Variants in MYO15A observed in about 807,000 individuals in gnomAD.
The protein encoded by MYO15A is unconventional myosin-XV.
In MYO15A, 308 loss-of-function variants were observed where a neutral mutation model predicts 394.6. The ratio of observed to expected loss-of-function variants is 0.78; its 90% CI spans 0.71 to 0.86. MYO15A has a LOEUF of 0.86. Among genes scored for constraint, MYO15A ranks in the 40% least tolerant of loss-of-function variants. MYO15A has a pLI of 0.00. For missense variants in MYO15A, 4,606 were observed against 4,799.1 expected (o/e 0.96, Z 1.19); for synonymous variants, 1,957 against 2,003.8 (o/e 0.98, Z 0.62).
chr17:18,120,519 G>T lies in MYO15A; in HGVS notation c.1719G>T (p.Ala573=). The change falls in exon 2 of 66, where the codon GCG becomes GCT. Residue 573 remains alanine, a synonymous_variant. Transcript: ENST00000647165. ...TGCCTCGCCCTGCCACCTCGCTTGC[G>T]CGGTTCCTCAAGAAGACGCTGTCGG... ...RPVPRPATSL[A]RFLKKTLSEK... 1.9e-6 allele frequency: 3 copies of T among 1,587,228 alleles called. No individual in the cohort carries two copies. The South Asian group carries it at 3.4e-5, about 18-fold the overall frequency.
At chr17:18,122,487 C>T (rs1311842905) in intron 2 of MYO15A, 78 bp downstream of exon 2, 11 of 1,530,910 alleles carry the variant, frequency 7.2e-6, no homozygotes, top group Non-Finnish European at 9.6e-6. Context: ...CCTGAGGAGC[C>T]CTGTGCAACC....
Position 18,120,201 on chromosome 17 carries a change from C to T in MYO15A, c.1401C>T (p.Ala467=). ...FFEQQGMDKP[A]RSKLSLIRKF... The stretch of plus-strand genomic sequence containing the variant: ...AGCAGCAAGGCATGGATAAGCCCGC[C>T]AGGTCCAAGCTGTCCCTCATCCGCA... The change falls in exon 2 of 66, where the codon GCC becomes GCT. Residue 467 remains alanine (A), a synonymous_variant. Transcript: ENST00000647165. 1 of 1,612,884 alleles carries T rather than the reference C, an allele frequency of 6.2e-7. No individual in the cohort carries two copies. The highest frequency in any genetic ancestry group is 8.5e-7 in the Non-Finnish European group (1 of 1,179,956).
chr17:18,178,550 T>G (rs1278503384), intron 65 of MYO15A, among the ~76,000 whole-genome samples: 1 of 151,926 alleles, frequency 6.6e-6, no homozygotes, highest in Non-Finnish European at 1.5e-5. Flanking sequence ...AAGAGGCACT[T>G]GGTCTCCTGC....
intron 7 of MYO15A, among the ~76,000 whole-genome samples, chr17:18,130,037 G>A (rs1436524178): frequency 2.0e-5 from 3 of 152,068 alleles, no homozygotes; most frequent in Non-Finnish European, 4.4e-5. Context: ...CCACGACCAC[G>A]CCCGGCTAAT....
chr17:18,122,185 C>G lies in MYO15A; in HGVS notation c.3385C>G (p.Arg1129Gly). The G allele has an allele frequency of 7.4e-6, 12 of 1,613,146 alleles. No individual in the cohort carries two copies. The highest frequency in any genetic ancestry group is 1.0e-5 in the Non-Finnish European group (12 of 1,180,024). Residue 1129 changes from arginine to glycine, a missense_variant, in exon 2 of 66, where the codon CGA becomes GGA. By Grantham distance (125) the Arg-to-Gly change is moderately radical. Transcript: ENST00000647165. Reference protein sequence around the residue: ...PRVQKLSSFQRVGPATLKPQV... With the variant: ...PRVQKLSSFQGVGPATLKPQV... The stretch of plus-strand genomic sequence containing the variant: ...TGTGCAGAAGCTGAGCTCTTTCCAG[C>G]GAGTTGGGCCTGCAACCCTGAAGCC...
chr17:18,118,936 A>G lies in MYO15A; in HGVS notation c.136A>G (p.Lys46Glu). The change falls in exon 2 of 66, where the codon AAG becomes GAG. Residue 46 changes from lysine (K) to glutamate (E), a missense_variant. This residue lies in a region of MYO15A where 1,830 missense variants were observed against 1,689.7 expected (regional missense o/e 1.08). Coordinates refer to ENST00000647165, the MANE Select transcript of MYO15A (RefSeq NM_016239.4). ...LFMGFRDRTP[K>E]ISKKGQFRSA... Reference sequence around the variant, plus strand: ...CATGGGCTTCCGCGACCGTACACCCAAGATCTCCAAGAAGGGCCAGTTCCG... The same window carrying G: ...CATGGGCTTCCGCGACCGTACACCCGAGATCTCCAAGAAGGGCCAGTTCCG... The G allele has an allele frequency of 6.2e-7, 1 of 1,613,688 alleles. No individual in the cohort carries two copies. Among genetic ancestry groups the G allele is most frequent in the Non-Finnish European group, 8.5e-7 (1 of 1,180,010 alleles).
At chr17:18,116,738 T>C (rs1258195765) in intron 1 of MYO15A, among the ~76,000 whole-genome samples, 1 of 151,966 alleles carries the variant, frequency 6.6e-6, no homozygotes, top group African/African-American at 2.4e-5. Flanking sequence ...CCGGCCAACA[T>C]GGTAAAAACC....
intron 3 of MYO15A, 37 bp downstream of exon 3, chr17:18,124,602 A>C (rs1192053137): frequency 6.3e-7 from 1 of 1,599,558 alleles, no homozygotes; most frequent in African/African-American, 1.3e-5. Flanking sequence ...GCAAGGGGTC[A>C]CCATGGGGTC....
intron 65 of MYO15A, 85 bp downstream of exon 65, chr17:18,174,006 C>A (rs1295277172): frequency 7.2e-6 from 11 of 1,521,478 alleles, no homozygotes; most frequent in Non-Finnish European, 9.8e-6. Flanking sequence ...CCTGCCATGC[C>A]CCAGGGAGTA....
In MYO15A at chr17:18,119,493, C is replaced by T. The variant is rs1238972244; in HGVS notation, c.693C>T (p.Asp231=). The T allele has an allele frequency of 6.2e-7, 1 of 1,612,624 alleles. No homozygotes were observed. Among genetic ancestry groups the T allele is most frequent in the Non-Finnish European group, 8.5e-7 (1 of 1,179,986 alleles). Residue 231 remains aspartate (D), a synonymous_variant, in exon 2 of 66, where the codon GAC becomes GAT. Transcript: ENST00000647165. ...TGTACGGGCTTGAGGGCTTCCAGGA[C>T]CTGGGCGAGTATTATGACTATCACC... ...KSLYGLEGFQ[D]LGEYYDYHRD... is the part of the protein sequence containing the mutation.
Position 18,136,614 on chromosome 17 carries a change from C to T in MYO15A, c.4707C>T (p.Thr1569=), listed in dbSNP as rs774401923. The T allele has an allele frequency of 1.9e-6, 3 of 1,613,950 alleles. No homozygotes were observed. The highest frequency in any genetic ancestry group is 2.5e-6 in the Non-Finnish European group (3 of 1,180,036). The stretch of plus-strand genomic sequence containing the variant: ...CACTGCTGTTCAGCTGGCTCATCAC[C>T]AGGGTCAACGCGCTGGTGTCCCCAA... The part of the protein sequence containing the change: ...LYALLFSWLI[T]RVNALVSPRQ... Residue 1569 remains threonine, a synonymous_variant, in exon 15 of 66, where the codon ACC becomes ACT. Coordinates refer to ENST00000647165, the MANE Select transcript of MYO15A (RefSeq NM_016239.4).
chr17:18,140,421 C>A lies in MYO15A; in HGVS notation c.5212-96C>A, dbSNP rs2046356427. ...CAGGGGTCCAGTTAGTCTTCAGATC[C>A]CCCTGGTCCGGAGATTTACTCCTGC... On this transcript the variant is annotated intron_variant, in intron 19 of 65. Coordinates refer to ENST00000647165, the MANE Select transcript of MYO15A (RefSeq NM_016239.4). The A allele has an allele frequency of 1.2e-5, 19 of 1,543,376 alleles. No homozygotes were observed. In the South Asian group the frequency reaches 1.5e-4, roughly 12 times the overall value.
chr17:18,122,393 C>T lies in MYO15A; in HGVS notation c.3593C>T (p.Pro1198Leu). The change falls in exon 2 of 66, where the codon CCA (proline) becomes CTA (leucine). Residue 1198 changes from proline to leucine, a missense_variant. Pro to Leu is a moderately conservative substitution (Grantham distance 98). Transcript: ENST00000647165. Reference protein sequence around the residue: ...LRGSWEEVGPPSWRNKMHSIR... With the variant: ...LRGSWEEVGPLSWRNKMHSIR... The stretch of plus-strand genomic sequence containing the variant: ...GGCTCCTGGGAGGAGGTCGGCCCGC[C>T]AAGCTGGCGGAACAAGGTATGGAGG... The T allele has an allele frequency of 6.2e-7, 1 of 1,612,384 alleles. No homozygotes were observed. Among genetic ancestry groups the T allele is most frequent in the South Asian group, 1.1e-5 (1 of 91,002 alleles).
At chr17:18,144,061 C>T in intron 28 of MYO15A, 61 bp downstream of exon 28, 4 of 1,609,192 alleles carry the variant, frequency 2.5e-6, no homozygotes, top group Non-Finnish European at 3.4e-6. Context: ...TTAGAATGGA[C>T]ATTGTCCTTG....
chr17:18,159,334 C>T lies in MYO15A; in HGVS notation c.9216C>T (p.Thr3072=), dbSNP rs775069515. 4.3e-6 allele frequency: 7 copies of T among 1,614,072 alleles called. No homozygotes were observed. The highest frequency in any genetic ancestry group is 2.2e-5 in the South Asian group (2 of 91,086). Residue 3072 remains threonine, a synonymous_variant, in exon 54 of 66, where the codon ACC becomes ACT. Coordinates refer to ENST00000647165, the MANE Select transcript of MYO15A (RefSeq NM_016239.4). ...LSDSSLSKMA[T]DMFLAVMRFM... ...ACAGCAGCCTCAGCAAGATGGCCACCGACATGTTCCTAGGTGTGGGAGTGG... is the reference window on the plus strand; with the variant it reads ...ACAGCAGCCTCAGCAAGATGGCCACTGACATGTTCCTAGGTGTGGGAGTGG...
Position 18,156,966 on chromosome 17 carries a change from G to A in MYO15A, c.8614G>A (p.Val2872Met), listed in dbSNP as rs368088727. ...CTGGCTGACCCAGGACTCTGACTAC[G>A]TGGTCGCTGTGAGGAACTTCCTGCC... ...ILELKKDSDY[V>M]VAVRNFLPED... Residue 2872 changes from valine (V) to methionine (M), a missense_variant, in exon 49 of 66, where the codon GTG (valine) becomes ATG (methionine). Physicochemically the swap from Val to Met is conservative, Grantham distance 21. Transcript: ENST00000647165. The A allele has an allele frequency of 1.5e-5, 24 of 1,614,038 alleles. No homozygotes were observed. Among genetic ancestry groups the A allele is most frequent in the Middle Eastern group, 1.6e-4 (1 of 6,084 alleles).
intron 62 of MYO15A, among the ~76,000 whole-genome samples, chr17:18,168,341 G>A (rs910152372): frequency 2.0e-5 from 3 of 152,054 alleles, no homozygotes; most frequent in East Asian, 1.9e-4. Flanking sequence ...CAAGGCGAGC[G>A]GATCATGAGG....
intron 54 of MYO15A, 36 bp from the exon 55 acceptor site, chr17:18,159,570 T>C (rs779872454): frequency 5.6e-6 from 9 of 1,608,966 alleles, no homozygotes; most frequent in Admixed American, 1.7e-5. Context: ...CAACTGGGGG[T>C]TTGGTGGGTC....
rs2046790212 is a variant in MYO15A, at chr17:18,162,458, G to A, written c.9518-127G>A. On this transcript the variant is annotated intron_variant, in intron 57 of 65. Coordinates refer to ENST00000647165, the MANE Select transcript of MYO15A (RefSeq NM_016239.4). ...GAACTGTTTCCTCAACTGTCAAATG[G>A]GGGAGTAAATGCCTTCCCCACAGCT... The A allele has an allele frequency of 1.1e-5, 9 of 800,630 alleles. No individual in the cohort carries two copies. The South Asian group carries it at 1.3e-4, about 12-fold the overall frequency. 49.6% of individuals were successfully genotyped at this position (800,630 alleles called of 1,614,324 possible).
Sources: allele counts gnomAD v4.1 joint callset (sites outside exome capture counted in the v4.1 genomes callset), GRCh38; gene constraint gnomAD v4.1.1; regional missense constraint gnomAD v4.1.1; transcripts MANE v1.5; gene names NCBI Gene and HGNC (gene_info 2026-07-23, HGNC 2026-07-21).